CLDN1: variants seen among roughly 807,000 people sequenced by gnomAD.
CLDN1 encodes the protein claudin-1.
A neutral mutation model predicts 22.6 loss-of-function variants in CLDN1; 12 were observed. The ratio of observed to expected loss-of-function variants is 0.53; its 90% CI spans 0.34 to 0.86. CLDN1 has a LOEUF of 0.86. Among genes scored for constraint, CLDN1 ranks in the 40% least tolerant of loss-of-function variants. The probability of loss-of-function intolerance (pLI) is 0.02; values close to 1 mark genes in which losing one functional copy is unlikely to be tolerated. For missense variants in CLDN1, 250 were observed against 269.5 expected, an observed-to-expected ratio of 0.93 and a Z score of 0.51; for synonymous variants, 99 against 103.8, an observed-to-expected ratio of 0.95 and a Z score of 0.28.
chr3:190,315,146 C>A (rs1461079149), intron 1 of CLDN1, among the ~76,000 whole-genome samples: 1 of 152,166 alleles, frequency 6.6e-6, no homozygotes, highest in Non-Finnish European at 1.5e-5. Context: ...ATACATAACA[C>A]AGATTTCAGA....
In CLDN1 at chr3:190,322,267, A is replaced by C; in HGVS notation, c.-61T>G. On this transcript the variant is annotated 5_prime_UTR_variant, in exon 1 of 4. Transcript: ENST00000295522. ...CAGGTGCAGAAGGCGGAGAGTTTGC[A>C]GGTGGGCAACCCGGACTCCCGAAGG... The C allele has an allele frequency of 6.7e-7, 1 of 1,494,968 alleles. No homozygotes were observed. Among genetic ancestry groups the C allele is most frequent in the Non-Finnish European group, 9.3e-7 (1 of 1,081,080 alleles). The allele number at this position is 1,494,968 out of a possible 1,614,324, so 92.6% of individuals were successfully genotyped here.
rs1013196797 is a variant in CLDN1, at chr3:190,308,209, G to A, written c.*68C>T. 1.9e-6 allele frequency: 3 copies of A among 1,565,322 alleles called. No individual in the cohort carries two copies. The highest frequency in any genetic ancestry group is 1.9e-4 in the Middle Eastern group (1 of 5,320). The stretch of plus-strand genomic sequence containing the variant: ...ATACCCAAAATTCTAAGGTCCTAAT[G>A]TTAATGATAGTATCTCAATGTCCAT... On this transcript the variant is annotated 3_prime_UTR_variant, in exon 4 of 4. Coordinates refer to ENST00000295522, the MANE Select transcript of CLDN1 (RefSeq NM_021101.5).
At chr3:190,317,435 C>T (rs776275554) in intron 1 of CLDN1, among the ~76,000 whole-genome samples, 47 of 152,262 alleles carry the variant, frequency 3.1e-4, no homozygotes, top group Admixed American at 5.9e-4. Context: ...TTACAAAGAT[C>T]TCTACTTATA....
chr3:190,308,958 G>A (rs928894314), intron 3 of CLDN1, among the ~76,000 whole-genome samples: 1 of 152,138 alleles, frequency 6.6e-6, no homozygotes, highest in Non-Finnish European at 1.5e-5. Flanking sequence ...AACCATTCTG[G>A]ATTAAGCTGA....
At chr3:190,319,856 G>C (rs1267735650) in intron 1 of CLDN1, among the ~76,000 whole-genome samples, 1 of 152,230 alleles carries the variant, frequency 6.6e-6, no homozygotes, top group Non-Finnish European at 1.5e-5. Context: ...CTCAGGCAGA[G>C]AAATGAAGTA....
intron 1 of CLDN1, among the ~76,000 whole-genome samples, chr3:190,317,898 T>C (rs1716812809): frequency 6.6e-6 from 1 of 152,210 alleles, no homozygotes; most frequent in Admixed American, 6.5e-5. Flanking sequence ...ATTCCAATTC[T>C]CCCTTTGCAT....
rs1024434247 is a variant in CLDN1 at position 190,307,668 on chromosome 3, G to A, written c.*609C>T. 1 of 152,308 alleles carries A rather than the reference G, an allele frequency of 6.6e-6. No individual in the cohort carries two copies. Among genetic ancestry groups the A allele is most frequent in the Non-Finnish European group, 1.5e-5 (1 of 68,188 alleles). 9.4% of individuals were successfully genotyped at this position (152,308 alleles called of 1,614,324 possible). ...ATAAGGGCTTAATAACGATGCAAGT[G>A]CTATAAGATTATGGTAAAAAATAAA... On this transcript the variant is annotated 3_prime_UTR_variant, in exon 4 of 4. Transcript: ENST00000295522.
intron 1 of CLDN1, among the ~76,000 whole-genome samples, chr3:190,321,446 A>G (rs1716918680): frequency 6.6e-6 from 1 of 152,206 alleles, no homozygotes; most frequent in Non-Finnish European, 1.5e-5. Context: ...CCTCAAGCAT[A>G]AGCAGAAGAC....
At chr3:190,316,983 A>G (rs1260759921) in intron 1 of CLDN1, among the ~76,000 whole-genome samples, 2 of 152,200 alleles carry the variant, frequency 1.3e-5, no homozygotes, top group East Asian at 3.8e-4. Flanking sequence ...TATTTTTTAA[A>G]GTATGTATCT....
chr3:190,318,812 C>T (rs373023794), intron 1 of CLDN1, among the ~76,000 whole-genome samples: 2 of 152,176 alleles, frequency 1.3e-5, no homozygotes, highest in African/African-American at 4.8e-5. Context: ...AGACTGTCCA[C>T]GTCAGTGATT....
intron 1 of CLDN1, among the ~76,000 whole-genome samples, chr3:190,316,064 AGGGGCTG>A (rs1716759409): frequency 6.6e-6 from 1 of 152,176 alleles, no homozygotes; most frequent in Admixed American, 6.6e-5. Flanking sequence ...GTTCTTTCCA[AGGGGCTG>A]GGGACTGATA....
In CLDN1 at chr3:190,308,167, C is replaced by G; in HGVS notation, c.*110G>C. 1.6e-6 allele frequency: 2 copies of G among 1,271,108 alleles called. No homozygotes were observed. The highest frequency in any genetic ancestry group is 3.4e-5 in the Admixed American group (2 of 59,078). The allele number at this position is 1,271,108 out of a possible 1,614,324, so 78.7% of individuals were successfully genotyped here. On this transcript the variant is annotated 3_prime_UTR_variant, in exon 4 of 4. Transcript: ENST00000295522. The stretch of plus-strand genomic sequence containing the variant: ...TTGTTTGTTTGTTTGTTTTGTAATA[C>G]CATACTTCAGATTACAATACCCAAA...
chr3:190,321,302 A>G (rs964040472), intron 1 of CLDN1, among the ~76,000 whole-genome samples: 1 of 152,100 alleles, frequency 6.6e-6, no homozygotes, highest in African/African-American at 2.4e-5. Context: ...CCAAGATAGC[A>G]CTACACCGTC....
At chr3:190,321,081 T>C (rs1362558068) in intron 1 of CLDN1, among the ~76,000 whole-genome samples, 3 of 152,172 alleles carry the variant, frequency 2.0e-5, no homozygotes, top group African/African-American at 7.2e-5. Context: ...TACACAGAAA[T>C]TTCTTTGTGG....
Position 190,322,106 on chromosome 3 carries a change from G to C in CLDN1, c.101C>G (p.Ser34Cys). 6.2e-7 allele frequency: 1 copy of C among 1,614,226 alleles called. No individual in the cohort carries two copies. Among genetic ancestry groups the C allele is most frequent in the Non-Finnish European group, 8.5e-7 (1 of 1,180,046 alleles). ...STALPQWRIY[S>C]YAGDNIVTAQ... ...GGTCACGATGTTGTCGCCGGCATAGGAGTAAATCCTCCACTGGGGCAGGGC... is the reference window on the plus strand; with the variant it reads ...GGTCACGATGTTGTCGCCGGCATAGCAGTAAATCCTCCACTGGGGCAGGGC... The change falls in exon 1 of 4, where the codon TCC becomes TGC. Residue 34 changes from serine to cysteine, a missense_variant. Coordinates refer to ENST00000295522, the MANE Select transcript of CLDN1 (RefSeq NM_021101.5).
intron 3 of CLDN1, among the ~76,000 whole-genome samples, chr3:190,308,827 C>G (rs886205842): frequency 6.6e-6 from 1 of 152,122 alleles, no homozygotes; most frequent in Non-Finnish European, 1.5e-5. Flanking sequence ...TATAAAGAAA[C>G]TGATAGAGCA....
Position 190,322,262 on chromosome 3 carries a change from T to C in CLDN1, c.-56A>G, listed in dbSNP as rs1560077450. On this transcript the variant is annotated 5_prime_UTR_variant, in exon 1 of 4. Coordinates refer to ENST00000295522, the MANE Select transcript of CLDN1 (RefSeq NM_021101.5). Reference sequence around the variant, plus strand: ...GGTGGCAGGTGCAGAAGGCGGAGAGTTTGCAGGTGGGCAACCCGGACTCCC... The same window carrying C: ...GGTGGCAGGTGCAGAAGGCGGAGAGCTTGCAGGTGGGCAACCCGGACTCCC... 2.0e-6 allele frequency: 3 copies of C among 1,533,842 alleles called. No homozygotes were observed. The highest frequency in any genetic ancestry group is 2.7e-6 in the Non-Finnish European group (3 of 1,114,476).
At chr3:190,315,083 G>A (rs543069355) in intron 1 of CLDN1, among the ~76,000 whole-genome samples, 2 of 152,280 alleles carry the variant, frequency 1.3e-5, no homozygotes, top group African/African-American at 4.8e-5. Context: ...CTGATGGATG[G>A]TTTTTGCAAA....
chr3:190,311,664 T>C (rs905452030), intron 2 of CLDN1, among the ~76,000 whole-genome samples: 2 of 150,862 alleles, frequency 1.3e-5, no homozygotes, highest in African/African-American at 4.8e-5. Flanking sequence ...ATACCTAATA[T>C]AGAGAACATA....
Sources: gnomAD v4.1 joint callset for allele counts (sites outside exome capture counted in the v4.1 genomes callset) on GRCh38, gnomAD v4.1.1 for gene constraint, MANE v1.5 for transcripts, NCBI Gene and HGNC (gene_info 2026-07-23, HGNC 2026-07-21) for gene names.